The following COL2A1 variants were observed in gnomAD, a reference collection of about 807,000 sequenced individuals.
The protein encoded by COL2A1 is collagen alpha-1(II) chain.
A neutral mutation model predicts 204.5 loss-of-function variants in COL2A1; 28 were observed. The observed-to-expected ratio is 0.14, with a 90% CI of 0.10 to 0.19. COL2A1 has a LOEUF of 0.19. COL2A1 is among the 10% of genes least tolerant of loss of function. The probability of loss-of-function intolerance (pLI) is 1.00; values close to 1 mark genes in which losing one functional copy is unlikely to be tolerated. For missense variants in COL2A1, 1,388 were observed against 2,027.5 expected, an observed-to-expected ratio of 0.68 and a Z score of 6.06; for synonymous variants, 708 against 718.7, an observed-to-expected ratio of 0.99 and a Z score of 0.24.
chr12:47,979,464 G>A, intron 41 of COL2A1, 47 bp downstream of exon 41: 2 of 1,602,216 alleles, frequency 1.2e-6, no homozygotes, highest in Non-Finnish European at 1.7e-6. Context: ...GCTGGGCCAG[G>A]CTATTCCATG....
chr12:47,994,843 T>C (rs1287008608), intron 11 of COL2A1, among the ~76,000 whole-genome samples: 1 of 152,262 alleles, frequency 6.6e-6, no homozygotes, highest in Non-Finnish European at 1.5e-5. Context: ...TGTCTCTTCA[T>C]TTCGTTTGCA....
Position 47,976,189 on chromosome 12 carries a change from A to G in COL2A1, c.3490-119T>C. 1 of 784,730 alleles carries G rather than the reference A, an allele frequency of 1.3e-6. No homozygotes were observed. The highest frequency in any genetic ancestry group is 1.7e-5 in the African/African-American group (1 of 59,196). 48.6% of individuals were successfully genotyped at this position (784,730 alleles called of 1,614,324 possible). ...AGCCACTCCGCCCCCAGTTCTTCAC[A>G]TGCTCAGTCATGGAACCCTAAGTTG... On this transcript the variant is annotated intron_variant, in intron 49 of 53. Coordinates refer to ENST00000380518, the MANE Select transcript of COL2A1 (RefSeq NM_001844.5). The surrounding 1 kb of genome is among the most constrained non-coding windows in gnomAD (Gnocchi z 4.3).
intron 8 of COL2A1, 99 bp downstream of exon 8, chr12:47,996,449 T>A (rs1939966843): frequency 1.9e-6 from 2 of 1,029,556 alleles, no homozygotes; most frequent in Non-Finnish European, 3.1e-6. Flanking sequence ...AGAGCCACTC[T>A]AAGCAATTAT....
In COL2A1 at chr12:47,986,885, C is replaced by T; in HGVS notation, c.1369G>A (p.Glu457Lys). ...GPLGPKGQTG[E>K]PGIAGFKGEQ... ...CCTTTGAAGCCAGCAATACCAGGTT[C>T]ACCCTTGAAAAGAGAGGCAGGTCCT... The change falls in exon 22 of 54, where the codon GAA becomes AAA. Residue 457 changes from glutamate to lysine, a missense_variant. By Grantham distance (56) the Glu-to-Lys change is moderately conservative (BLOSUM62 1). Coordinates refer to ENST00000380518, the MANE Select transcript of COL2A1 (RefSeq NM_001844.5). The T allele has an allele frequency of 1.9e-6, 3 of 1,614,194 alleles. No individual in the cohort carries two copies. Among genetic ancestry groups the T allele is most frequent in the Non-Finnish European group, 1.7e-6 (2 of 1,180,036 alleles).
At position 47,987,820 on chromosome 12, in the gene COL2A1, T is replaced by C. The variant is rs1249797969; in HGVS notation, c.1123-111A>G. ...CAAGCACAGCACTAAATTATGCACA[T>C]GCACCCAACCCTGCACATGAACATG... On this transcript the variant is annotated intron_variant, in intron 18 of 53. Coordinates refer to ENST00000380518, the MANE Select transcript of COL2A1 (RefSeq NM_001844.5). The surrounding 1 kb of genome is among the most constrained non-coding windows in gnomAD (Gnocchi z 4.1). 5.1e-6 allele frequency: 4 copies of C among 789,894 alleles called. No individual in the cohort carries two copies. The East Asian group carries it at 8.0e-5, about 16-fold the overall frequency. The allele number at this position is 789,894 out of a possible 1,614,324, so 48.9% of individuals were successfully genotyped here. A position where few individuals can be genotyped will look rare whatever the true frequency, so the allele number is the denominator to read the frequency against.
upstream of COL2A1, among the ~76,000 whole-genome samples, chr12:48,005,111 C>T (rs1217933634): frequency 4.6e-5 from 7 of 152,350 alleles, 1 homozygote; most frequent in East Asian, 1.4e-3. Context: ...AGCGACTGCC[C>T]TCCACCCCTC....
chr12:47,988,742 A>G (rs1036698614), intron 18 of COL2A1, among the ~76,000 whole-genome samples: 1 of 152,240 alleles, frequency 6.6e-6, no homozygotes, highest in African/African-American at 2.4e-5. Context: ...GTAATCCTCC[A>G]GAGAACTCCG....
At chr12:47,994,580 T>C in intron 11 of COL2A1, 103 bp from the exon 12 acceptor site, 1 of 1,236,610 alleles carries the variant, frequency 8.1e-7, no homozygotes, top group South Asian at 1.3e-5. Flanking sequence ...TGCCTTTGCC[T>C]ACCGGCTCAC....
intron 2 of COL2A1, 129 bp downstream of exon 2, chr12:47,999,790 C>A: frequency 1.3e-6 from 1 of 782,764 alleles, no homozygotes; most frequent in Non-Finnish European, 2.2e-6. Flanking sequence ...TTCCTTTCTA[C>A]CCCAGCTACC....
At chr12:47,984,964 G>T (rs1365417289) in intron 27 of COL2A1, 31 bp downstream of exon 27, 1 of 1,577,422 alleles carries the variant, frequency 6.3e-7, no homozygotes, top group Admixed American at 1.7e-5. Context: ...GCACCACATG[G>T]AAGGAAATAG....
intron 23 of COL2A1, 27 bp downstream of exon 23, chr12:47,986,308 TG>T: frequency 1.4e-6 from 2 of 1,439,858 alleles, no homozygotes; most frequent in Non-Finnish European, 1.9e-6. Context: ...ACAGGCCCCA[TG>T]GGATGGAGCC....
At chr12:47,977,891 C>T (rs756202836) in intron 44 of COL2A1, 119 bp downstream of exon 44, 9 of 1,059,900 alleles carry the variant, frequency 8.5e-6, no homozygotes, top group South Asian at 2.7e-5. Flanking sequence ...GCCTGTCGGC[C>T]GACACTGCCA....
Position 47,977,000 on chromosome 12 carries a change from C to T in COL2A1, c.3328-81G>A. ...TCCTGTCCCACCCAAGCTGAGGAAT[C>T]CCCGGAAACACAGGGCTGGAGGCCC... On this transcript the variant is annotated intron_variant, in intron 47 of 53. Transcript: ENST00000380518. This position sits in a 1 kb window ranked among gnomAD's most constrained non-coding sequence, Gnocchi z 4.3. 1 of 1,536,296 alleles carries T rather than the reference C, an allele frequency of 6.5e-7. No individual in the cohort carries two copies. Among genetic ancestry groups the T allele is most frequent in the Admixed American group, 1.9e-5 (1 of 51,808 alleles).
intron 16 of COL2A1, among the ~76,000 whole-genome samples, chr12:47,991,792 C>T (rs545064001): frequency 2.6e-5 from 4 of 152,304 alleles, no homozygotes; most frequent in East Asian, 1.9e-4. Context: ...CACAAGCCAG[C>T]ATCCTGCTAA....
Position 48,004,447 on chromosome 12 carries a change from G to T in COL2A1, c.-126C>A, listed in dbSNP as rs944198151. 2.2e-5 allele frequency: 13 copies of T among 592,698 alleles called. No homozygotes were observed. The highest frequency in any genetic ancestry group is 2.1e-4 in the African/African-American group (11 of 52,038). 36.7% of individuals were successfully genotyped at this position (592,698 alleles called of 1,614,324 possible). A position where few individuals can be genotyped will look rare whatever the true frequency, so the allele number is the denominator to read the frequency against. On this transcript the variant is annotated 5_prime_UTR_variant, in exon 1 of 54. Coordinates refer to ENST00000380518, the MANE Select transcript of COL2A1 (RefSeq NM_001844.5). ...GGCCCTTGGAGCAGGAGGGGGAAGCGGGAGACCCGGCAGCCCAGCAGCGCT... is the reference window on the plus strand; with the variant it reads ...GGCCCTTGGAGCAGGAGGGGGAAGCTGGAGACCCGGCAGCCCAGCAGCGCT...
chr12:47,994,670 T>TAGCCCA (rs1395908092), intron 11 of COL2A1, among the ~76,000 whole-genome samples, 193 bp from the exon 12 acceptor site: 1 of 152,234 alleles, frequency 6.6e-6, no homozygotes, highest in East Asian at 1.9e-4. Context: ...GACACATGCA[T>TAGCCCA]AGCCCATGGG....
Position 47,987,006 on chromosome 12 carries a change from A to C in COL2A1, c.1365+72T>G. 1 of 1,584,388 alleles carries C rather than the reference A, an allele frequency of 6.3e-7. No homozygotes were observed. The highest frequency in any genetic ancestry group is 1.7e-4 in the Middle Eastern group (1 of 6,004). On this transcript the variant is annotated intron_variant, in intron 21 of 53. Coordinates refer to ENST00000380518, the MANE Select transcript of COL2A1 (RefSeq NM_001844.5). The surrounding 1 kb of genome is among the most constrained non-coding windows in gnomAD (Gnocchi z 4.1). ...CGCTGTGAGGCCAGGGCAGGAGAGCATGGGAAAGAGGGGTGATGGGGTTTG... is the reference window on the plus strand; with the variant it reads ...CGCTGTGAGGCCAGGGCAGGAGAGCCTGGGAAAGAGGGGTGATGGGGTTTG...
chr12:47,993,321 A>T (rs989037921), intron 15 of COL2A1, 137 bp downstream of exon 15: 4 of 749,576 alleles, frequency 5.3e-6, no homozygotes, highest in Non-Finnish European at 9.8e-6. Context: ...CATCTGTCTA[A>T]TACATTTTGC....
At chr12:47,989,162 AG>A in intron 18 of COL2A1, 65 bp downstream of exon 18, 2 of 1,378,650 alleles carry the variant, frequency 1.5e-6, no homozygotes, top group Non-Finnish European at 2.0e-6. Context: ...GCAATGAGCA[AG>A]GGTTACGGGG....
Sources: gnomAD v4.1 joint callset for allele counts (sites outside exome capture counted in the v4.1 genomes callset) on GRCh38, gnomAD v4.1.1 for gene constraint, Gnocchi (gnomAD v3.1) non-coding constraint, MANE v1.5 for transcripts, NCBI Gene and HGNC (gene_info 2026-07-23, HGNC 2026-07-21) for gene names.